Variants in FAIM observed in about 807,000 individuals in gnomAD.
The protein encoded by FAIM is Fas apoptotic inhibitory molecule.
Under a neutral mutation model 21.2 loss-of-function variants are expected in FAIM, and 14 were observed. That is an observed-to-expected ratio of 0.66 (90% confidence interval 0.44 to 1.03). FAIM has a LOEUF of 1.03. Among genes scored for constraint, FAIM ranks in the 50% least tolerant of loss-of-function variants. FAIM has a pLI of 0.00. For missense variants in FAIM, 222 were observed against 247.1 expected (o/e 0.90, Z 0.68); for synonymous variants, 86 against 80.4 (o/e 1.07, Z -0.37).
intron 1 of FAIM, chr3:138,609,261 C>T (rs929104272): frequency 3.3e-5 from 5 of 151,748 alleles, no homozygotes; most frequent in Admixed American, 3.3e-4. Context: ...GGGCGCGGGG[C>T]CAGCCCGGGG....
chr3:138,619,129 C>A (rs1422059470), intron 1 of FAIM, among the ~76,000 whole-genome samples: 1 of 152,208 alleles, frequency 6.6e-6, no homozygotes, highest in African/African-American at 2.4e-5. Context: ...TCTTTGAGAG[C>A]AGACCAGCAT....
At chr3:138,612,848 TTC>T (rs2042785286) in intron 1 of FAIM, among the ~76,000 whole-genome samples, 1 of 152,294 alleles carries the variant, frequency 6.6e-6, no homozygotes, top group Non-Finnish European at 1.5e-5. Flanking sequence ...ACTGATTATT[TTC>T]TGTTTATTTT....
At position 138,622,371 on chromosome 3, in the gene FAIM, A is replaced by G. The variant is rs376276693; in HGVS notation, c.361A>G (p.Thr121Ala). Residue 121 changes from threonine (T) to alanine (A), a missense_variant, in exon 4 of 6, where the codon ACT becomes GCT. By Grantham distance (58) the Thr-to-Ala change is moderately conservative. Coordinates refer to ENST00000360570, the MANE Select transcript of FAIM (RefSeq NM_001033031.2). Reference sequence around the variant, plus strand: ...GGAGGACAGATCAAAAACCACCAATACTTGGGTATTACACATGGATGGTGA... The same window carrying G: ...GGAGGACAGATCAAAAACCACCAATGCTTGGGTATTACACATGGATGGTGA... ...YMEDRSKTTN[T>A]WVLHMDGENF... is the part of the protein sequence containing the mutation. 6.2e-7 allele frequency: 1 copy of G among 1,612,948 alleles called. No individual in the cohort carries two copies. Among genetic ancestry groups the G allele is most frequent in the Non-Finnish European group, 8.5e-7 (1 of 1,179,688 alleles).
At chr3:138,617,656 A>G (rs964617632) in intron 1 of FAIM, among the ~76,000 whole-genome samples, 7 of 119,020 alleles carry the variant, frequency 5.9e-5, no homozygotes, top group African/African-American at 3.0e-4. Flanking sequence ...TATATATATA[A>G]TATATATATA....
intron 5 of FAIM, 175 bp downstream of exon 5, chr3:138,629,331 G>C: frequency 2.0e-6 from 1 of 505,180 alleles, no homozygotes; most frequent in Non-Finnish European, 3.5e-6. Flanking sequence ...GATGGTGCCT[G>C]GTACCGTGAG....
At chr3:138,626,793 T>C (rs2042943178) in intron 4 of FAIM, among the ~76,000 whole-genome samples, 1 of 152,222 alleles carries the variant, frequency 6.6e-6, no homozygotes, top group African/African-American at 2.4e-5. Flanking sequence ...TTGCCTTCCA[T>C]GGTACTTTTA....
At chr3:138,612,060 A>G (rs2042774404) in intron 1 of FAIM, among the ~76,000 whole-genome samples, 1 of 149,950 alleles carries the variant, frequency 6.7e-6, no homozygotes, top group Non-Finnish European at 1.5e-5. Context: ...GGTATTTTAT[A>G]TAAGTGGAAT....
At chr3:138,623,503 C>A (rs2042909405) in intron 4 of FAIM, among the ~76,000 whole-genome samples, 2 of 151,606 alleles carry the variant, frequency 1.3e-5, no homozygotes. Flanking sequence ...GTAGCTGGGA[C>A]CACAGGTCCA....
chr3:138,617,400 T>A (rs1200357669), intron 1 of FAIM, among the ~76,000 whole-genome samples: 3 of 146,162 alleles, frequency 2.1e-5, no homozygotes, highest in African/African-American at 4.9e-5. Flanking sequence ...ATGTATATAT[T>A]ATATATAATA....
intron 3 of FAIM, among the ~76,000 whole-genome samples, chr3:138,621,939 C>T (rs1351192897): frequency 6.6e-6 from 1 of 152,090 alleles, no homozygotes; most frequent in Non-Finnish European, 1.5e-5. Context: ...CCTGCCATTA[C>T]GCCCTGCTGA....
intron 1 of FAIM, chr3:138,610,958 A>G (rs748065294): frequency 4.3e-5 from 69 of 1,612,960 alleles, no homozygotes; most frequent in Non-Finnish European, 5.5e-5. Context: ...ATTCTATCCT[A>G]TGCTGCTTCC....
intron 1 of FAIM, among the ~76,000 whole-genome samples, chr3:138,618,113 C>G (rs1451327034): frequency 6.7e-6 from 1 of 150,132 alleles, no homozygotes; most frequent in African/African-American, 2.4e-5. Context: ...CCCCCAGTAG[C>G]TGGGACTACA....
chr3:138,632,814 A>G lies in FAIM; in HGVS notation c.457-116A>G, dbSNP rs72982685. The stretch of plus-strand genomic sequence containing the variant: ...CTTTAGACTTTGTTTTTCAAAGCTT[A>G]TTGTTTAACTAATACATTATTTTAT... On this transcript the variant is annotated intron_variant, in intron 5 of 5. Transcript: ENST00000360570. 7.9e-3 allele frequency: 8,088 copies of G among 1,019,114 alleles called. 469 individuals carry two copies. In the African/African-American group the frequency reaches 0.12, roughly 15 times the overall value. The allele number at this position is 1,019,114 out of a possible 1,614,324, so 63.1% of individuals were successfully genotyped here.
Position 138,615,412 on chromosome 3 carries a change from G to A in FAIM, c.-16-4299G>A, listed in dbSNP as rs566123599. ...CATTTGCTCATTCTGATATTACTTTGTATAGACCATCCAGAGAATCACCAG... is the reference window on the plus strand; with the variant it reads ...CATTTGCTCATTCTGATATTACTTTATATAGACCATCCAGAGAATCACCAG... On this transcript the variant is annotated intron_variant, in intron 1 of 5. Coordinates refer to ENST00000360570, the MANE Select transcript of FAIM (RefSeq NM_001033031.2). Among the ~76,000 whole-genome samples the A allele has an allele frequency of 8.5e-5, 13 of 152,262 alleles. No homozygotes were observed. In the South Asian group the frequency reaches 2.3e-3, roughly 27 times the overall value.
intron 1 of FAIM, among the ~76,000 whole-genome samples, chr3:138,619,291 T>G (rs1178450211): frequency 6.6e-6 from 1 of 152,188 alleles, no homozygotes; most frequent in Non-Finnish European, 1.5e-5. Flanking sequence ...GAAGATACAT[T>G]GTGTTTATCC....
chr3:138,611,072 C>A (rs754840071), intron 1 of FAIM: 1 of 1,468,850 alleles, frequency 6.8e-7, no homozygotes, highest in South Asian at 1.1e-5. Flanking sequence ...TACATAAGTA[C>A]CCAATAACTA....
intron 1 of FAIM, among the ~76,000 whole-genome samples, chr3:138,613,727 C>T (rs1429157620): frequency 6.6e-6 from 1 of 152,202 alleles, no homozygotes; most frequent in Non-Finnish European, 1.5e-5. Flanking sequence ...TCAAGCAATC[C>T]TCCCACCTTG....
chr3:138,627,802 C>A (rs1486198580), intron 4 of FAIM, among the ~76,000 whole-genome samples: 1 of 152,104 alleles, frequency 6.6e-6, no homozygotes, highest in Non-Finnish European at 1.5e-5. Context: ...ATCTAGCGCA[C>A]CTCAAAGGCT....
At chr3:138,620,122 C>T (rs750592302) in intron 2 of FAIM, among the ~76,000 whole-genome samples, 1 of 152,194 alleles carries the variant, frequency 6.6e-6, no homozygotes, top group Non-Finnish European at 1.5e-5. Flanking sequence ...GTTAAGAGAA[C>T]AGGCTTTGGA....
Sources: gnomAD v4.1 joint callset for allele counts (sites outside exome capture counted in the v4.1 genomes callset) on GRCh38, gnomAD v4.1.1 for gene constraint, MANE v1.5 for transcripts, NCBI Gene and HGNC (gene_info 2026-07-23, HGNC 2026-07-21) for gene names.